ARPP21: variants seen among roughly 807,000 people sequenced by gnomAD.
ARPP21 encodes the protein cAMP regulated phosphoprotein 21.
In ARPP21, 69 loss-of-function variants were observed where a neutral mutation model predicts 113.2. That is an observed-to-expected ratio of 0.61 (90% CI 0.50 to 0.74). The LOEUF is 0.74. Ranked by LOEUF, ARPP21 falls within the 30% of genes least tolerant of loss-of-function variation. The probability of loss-of-function intolerance (pLI) is 0.00; values close to 1 mark genes in which losing one functional copy is unlikely to be tolerated. For synonymous variants in ARPP21, 368 were observed against 375.5 expected, an observed-to-expected ratio of 0.98 and a Z score of 0.23; for missense variants, 1,070 against 1,037.4, an observed-to-expected ratio of 1.03 and a Z score of -0.43.
At chr3:35,748,268 GAGAA>G (rs919979887) in intron 19 of ARPP21, among the ~76,000 whole-genome samples, 3 of 125,444 alleles carry the variant, frequency 2.4e-5, no homozygotes, top group African/African-American at 3.0e-5. Context: ...AAAGGAGAGA[GAGAA>G]AGAAAGAAAA....
Position 35,729,348 on chromosome 3 carries a change from G to C in ARPP21, c.1271G>C (p.Arg424Pro). The C allele has an allele frequency of 6.2e-7, 1 of 1,614,014 alleles. No homozygotes were observed. The highest frequency in any genetic ancestry group is 8.5e-7 in the Non-Finnish European group (1 of 1,179,996). ...SSAGSSGSLS[R>P]THPPLQSTPL... ...GCAGGCTCCTCAGGATCGCTGTCCCGCACCCATCCACCTCTCCAGAGCACA... is the reference window on the plus strand; with the variant it reads ...GCAGGCTCCTCAGGATCGCTGTCCCCCACCCATCCACCTCTCCAGAGCACA... The change falls in exon 15 of 21, where the codon CGC (arginine) becomes CCC (proline). Residue 424 changes from arginine to proline, a missense_variant. By Grantham distance (103) the Arg-to-Pro change is moderately radical. Transcript: ENST00000684406.
chr3:35,728,377 C>T (rs1406050753), intron 14 of ARPP21, among the ~76,000 whole-genome samples: 3 of 151,554 alleles, frequency 2.0e-5, no homozygotes, highest in Non-Finnish European at 4.4e-5. Flanking sequence ...TGCCACCACG[C>T]CCAGCTAATT....
chr3:35,681,654 C>T, intron 2 of ARPP21, 60 bp from the exon 3 acceptor site: 1 of 844,216 alleles, frequency 1.2e-6, no homozygotes, highest in Non-Finnish European at 1.8e-6. Flanking sequence ...AATGAAATCT[C>T]TAAAGAATGA....
intron 19 of ARPP21, among the ~76,000 whole-genome samples, chr3:35,746,381 G>A (rs1250801149): frequency 1.3e-5 from 2 of 152,138 alleles, no homozygotes; most frequent in Non-Finnish European, 2.9e-5. Flanking sequence ...TTTCCAAATG[G>A]TCATGGCAGT....
At chr3:35,668,616 T>C (rs1020321928) in intron 1 of ARPP21, among the ~76,000 whole-genome samples, 2 of 152,190 alleles carry the variant, frequency 1.3e-5, no homozygotes, top group Non-Finnish European at 2.9e-5. Flanking sequence ...CTGCCGTTTT[T>C]ACATTTGCAA....
chr3:35,650,449 G>A (rs928082964), intron 1 of ARPP21: 2 of 152,090 alleles, frequency 1.3e-5, no homozygotes, highest in Non-Finnish European at 2.9e-5. Flanking sequence ...GTAATTGAGA[G>A]TTTCACAAAA....
chr3:35,688,841 T>C (rs2081373289), intron 6 of ARPP21, among the ~76,000 whole-genome samples: 1 of 151,578 alleles, frequency 6.6e-6, no homozygotes, highest in Non-Finnish European at 1.5e-5. Flanking sequence ...CCTCCTGTAT[T>C]TTGTACCGAT....
At chr3:35,779,941 G>C (rs181720911) in intron 19 of ARPP21, among the ~76,000 whole-genome samples, 1 of 152,246 alleles carries the variant, frequency 6.6e-6, no homozygotes, top group Admixed American at 6.5e-5. Flanking sequence ...TTTAAAAACT[G>C]TGCTGTTAGA....
intron 19 of ARPP21, among the ~76,000 whole-genome samples, chr3:35,756,444 T>G (rs1033561770): frequency 2.0e-5 from 3 of 152,030 alleles, no homozygotes; most frequent in Admixed American, 6.6e-5. Context: ...GCCTTCACAT[T>G]TATGCTCCTG....
intron 16 of ARPP21, among the ~76,000 whole-genome samples, chr3:35,737,827 TG>T (rs1559798495): frequency 6.6e-6 from 1 of 152,188 alleles, no homozygotes; most frequent in Non-Finnish European, 1.5e-5. Context: ...CTTAGAGAGA[TG>T]CGGAGCTGCC....
At chr3:35,717,997 T>A (rs764480392) in intron 13 of ARPP21, among the ~76,000 whole-genome samples, 2 of 152,146 alleles carry the variant, frequency 1.3e-5, no homozygotes, top group Non-Finnish European at 2.9e-5. Flanking sequence ...TAGAGAAAAG[T>A]GTACACAGTA....
intron 19 of ARPP21, among the ~76,000 whole-genome samples, chr3:35,764,253 C>T (rs976514406): frequency 3.3e-5 from 5 of 152,094 alleles, no homozygotes; most frequent in African/African-American, 1.2e-4. Context: ...CTTAGAGACA[C>T]ATATCTTGGT....
chr3:35,687,666 C>T, intron 5 of ARPP21, 73 bp from the exon 6 acceptor site: 2 of 1,387,424 alleles, frequency 1.4e-6, no homozygotes, highest in South Asian at 1.3e-5. Flanking sequence ...TACTTTATAA[C>T]CTCTATGCAA....
intron 13 of ARPP21, among the ~76,000 whole-genome samples, chr3:35,718,199 A>T (rs1273796648): frequency 3.3e-5 from 5 of 152,158 alleles, no homozygotes; most frequent in Admixed American, 6.6e-5. Flanking sequence ...ATAATTCTGG[A>T]CTTTAGAACT....
chr3:35,702,261 A>T (rs190980746), intron 9 of ARPP21, among the ~76,000 whole-genome samples: 24 of 151,890 alleles, frequency 1.6e-4, no homozygotes, highest in Admixed American at 1.1e-3. Context: ...ATATAATTTT[A>T]TAGAGTCACA....
chr3:35,654,470 G>A (rs1245366578), intron 1 of ARPP21, among the ~76,000 whole-genome samples: 1 of 152,060 alleles, frequency 6.6e-6, no homozygotes, highest in African/African-American at 2.4e-5. Context: ...GGAATTTACC[G>A]ATATTGAGCA....
chr3:35,767,187 G>A (rs1360226284), intron 19 of ARPP21, among the ~76,000 whole-genome samples: 1 of 152,066 alleles, frequency 6.6e-6, no homozygotes, highest in Non-Finnish European at 1.5e-5. Flanking sequence ...TCAAGCTGTG[G>A]AATCAAATTT....
In ARPP21 at chr3:35,689,323, C is replaced by A; in HGVS notation, c.423C>A (p.Tyr141Ter). Residue 141 changes from tyrosine to a stop codon, truncating the protein, a stop_gained, in exon 7 of 21, where the codon TAC becomes TAA. Transcript: ENST00000684406. LOFTEE classifies it high-confidence loss of function. ...RMLSKDCSQEYTDSTGIDLHE... is the reference protein window; with the variant it reads ...RMLSKDCSQE The stretch of plus-strand genomic sequence containing the variant: ...TTGTTTCAGATTGCAGCCAAGAATA[C>A]ACGGATTCTACAGGCATAGACTTAC... 1 of 1,572,020 alleles carries A rather than the reference C, an allele frequency of 6.4e-7. No homozygotes were observed. Among genetic ancestry groups the A allele is most frequent in the Non-Finnish European group, 8.8e-7 (1 of 1,142,730 alleles).
intron 19 of ARPP21, among the ~76,000 whole-genome samples, chr3:35,746,904 T>G (rs1441975815): frequency 6.6e-6 from 1 of 152,190 alleles, no homozygotes; most frequent in Non-Finnish European, 1.5e-5. Context: ...TACTGTTGAT[T>G]AAATAGGACA....
Sources: gnomAD v4.1 joint callset for allele counts (sites outside exome capture counted in the v4.1 genomes callset) on GRCh38, gnomAD v4.1.1 for gene constraint, MANE v1.5 for transcripts, NCBI Gene and HGNC (gene_info 2026-07-23, HGNC 2026-07-21) for gene names.